The following BMPR1B variants were observed in gnomAD, a reference collection of about 807,000 sequenced individuals.
BMPR1B encodes the protein bone morphogenetic protein receptor type 1B.
A neutral mutation model predicts 59.1 loss-of-function variants in BMPR1B; 12 were observed. The ratio of observed to expected loss-of-function variants is 0.20; its 90% CI spans 0.13 to 0.33. BMPR1B has a LOEUF of 0.33. Among genes scored for constraint, BMPR1B ranks in the 10% least tolerant of loss-of-function variants. The pLI is 1.00. For synonymous variants in BMPR1B, 237 were observed against 207.3 expected, an observed-to-expected ratio of 1.14 and a Z score of -1.23; for missense variants, 550 against 610.9, an observed-to-expected ratio of 0.90 and a Z score of 1.05.
intron 1 of BMPR1B, among the ~76,000 whole-genome samples, chr4:94,772,790 G>T (rs771647500): frequency 2.6e-5 from 4 of 152,036 alleles, no homozygotes; most frequent in Non-Finnish European, 5.9e-5. Context: ...TGGATTTAAC[G>T]ATGTGACCTC....
intron 3 of BMPR1B, among the ~76,000 whole-genome samples, chr4:95,066,209 T>G: frequency 6.6e-6 from 1 of 152,348 alleles, no homozygotes. Flanking sequence ...CTATTACTTT[T>G]CTACTTGTTA....
At chr4:95,132,501 A>G (rs1202001109) in intron 10 of BMPR1B, among the ~76,000 whole-genome samples, 2 of 152,178 alleles carry the variant, frequency 1.3e-5, no homozygotes, top group Non-Finnish European at 2.9e-5. Flanking sequence ...AAGGATGGGA[A>G]ATTGAAGTTC....
chr4:95,136,859 C>A (rs919059115), intron 10 of BMPR1B, among the ~76,000 whole-genome samples: 18 of 152,044 alleles, frequency 1.2e-4, no homozygotes, highest in Admixed American at 1.2e-3. Context: ...TTCAAAACAC[C>A]AACTCCTGGA....
intron 3 of BMPR1B, among the ~76,000 whole-genome samples, chr4:95,020,548 C>T (rs541666423): frequency 1.4e-5 from 2 of 144,222 alleles, no homozygotes; most frequent in East Asian, 4.1e-4. Flanking sequence ...CACTGCGCTC[C>T]AGACTGGTGA....
At chr4:95,016,051 T>C (rs1188209058) in intron 3 of BMPR1B, among the ~76,000 whole-genome samples, 2 of 151,970 alleles carry the variant, frequency 1.3e-5, no homozygotes, top group South Asian at 2.1e-4. Flanking sequence ...GACTTAGATA[T>C]TGAGTAGATG....
chr4:94,767,725 A>T (rs533230358), intron 1 of BMPR1B, among the ~76,000 whole-genome samples: 1 of 152,190 alleles, frequency 6.6e-6, no homozygotes, highest in African/African-American at 2.4e-5. Context: ...TGTGGCATTT[A>T]TGTTTGATTA....
At chr4:94,951,618 G>A (rs892802895) in intron 2 of BMPR1B, among the ~76,000 whole-genome samples, 1 of 152,118 alleles carries the variant, frequency 6.6e-6, no homozygotes, top group African/African-American at 2.4e-5. Context: ...CGACTTGATC[G>A]TGGTGGATAA....
chr4:94,899,534 G>A (rs1386032290), intron 2 of BMPR1B, among the ~76,000 whole-genome samples: 1 of 150,604 alleles, frequency 6.6e-6, no homozygotes, highest in East Asian at 2.0e-4. Context: ...TTATATGGTT[G>A]AATATGAAGT....
chr4:94,764,323 T>C (rs1000588426), intron 1 of BMPR1B, among the ~76,000 whole-genome samples: 3 of 151,954 alleles, frequency 2.0e-5, no homozygotes, highest in Non-Finnish European at 4.4e-5. Flanking sequence ...TCCCTTTTTG[T>C]GAGATCAGTT....
chr4:95,020,490 A>G (rs567005648), intron 3 of BMPR1B, among the ~76,000 whole-genome samples: 9 of 151,954 alleles, frequency 5.9e-5, no homozygotes, highest in Non-Finnish European at 1.0e-4. Context: ...GAGGCAGGAG[A>G]ATTGCTTGAA....
chr4:94,881,537 C>T (rs1726973087), intron 2 of BMPR1B, among the ~76,000 whole-genome samples: 1 of 151,904 alleles, frequency 6.6e-6, no homozygotes, highest in Non-Finnish European at 1.5e-5. Context: ...GTGATTTCAG[C>T]TCACTGCAAC....
At chr4:94,836,534 T>C (rs370609813) in intron 1 of BMPR1B, among the ~76,000 whole-genome samples, 1 of 146,634 alleles carries the variant, frequency 6.8e-6, no homozygotes, top group Non-Finnish European at 1.5e-5. Flanking sequence ...TTTCATGTGT[T>C]TTTTGGCTGC....
At chr4:94,908,865 C>T (rs1728169465) in intron 2 of BMPR1B, among the ~76,000 whole-genome samples, 1 of 152,030 alleles carries the variant, frequency 6.6e-6, no homozygotes. Flanking sequence ...TACTCTGTGT[C>T]ACTGTCCTAG....
intron 3 of BMPR1B, among the ~76,000 whole-genome samples, chr4:95,030,184 C>A (rs1446776510): frequency 6.6e-6 from 1 of 151,988 alleles, no homozygotes; most frequent in Non-Finnish European, 1.5e-5. Context: ...GACATGAAGT[C>A]CTTGCCCATG....
At chr4:94,945,828 C>G (rs1284702458) in intron 2 of BMPR1B, among the ~76,000 whole-genome samples, 1 of 152,038 alleles carries the variant, frequency 6.6e-6, no homozygotes, top group Non-Finnish European at 1.5e-5. Context: ...TATTATGGAT[C>G]TACCTGCATA....
chr4:94,975,362 T>G (rs1363751457), intron 2 of BMPR1B, among the ~76,000 whole-genome samples: 1 of 111,192 alleles, frequency 9.0e-6, no homozygotes, highest in Non-Finnish European at 1.7e-5. Context: ...CTTTTGTTTT[T>G]GTTTTTTTTT....
chr4:94,817,290 TC>T (rs1343573000), intron 1 of BMPR1B, among the ~76,000 whole-genome samples: 2 of 152,184 alleles, frequency 1.3e-5, no homozygotes, highest in Non-Finnish European at 2.9e-5. Flanking sequence ...ACCCATAAAG[TC>T]CTTTGAGAAT....
chr4:94,944,287 T>TTA (rs1729624640), intron 2 of BMPR1B, among the ~76,000 whole-genome samples: 1 of 152,140 alleles, frequency 6.6e-6, no homozygotes, highest in African/African-American at 2.4e-5. Context: ...TCTTAAGTCA[T>TTA]TAAGAAATTC....
At chr4:94,945,106 C>G (rs554309081) in intron 2 of BMPR1B, among the ~76,000 whole-genome samples, 11 of 152,146 alleles carry the variant, frequency 7.2e-5, no homozygotes, top group African/African-American at 2.4e-4. Flanking sequence ...ACAGGGGCAA[C>G]GGCCATTTAG....
Sources: allele counts gnomAD v4.1 joint callset (sites outside exome capture counted in the v4.1 genomes callset), GRCh38; gene constraint gnomAD v4.1.1; transcripts MANE v1.5; gene names NCBI Gene and HGNC (gene_info 2026-07-23, HGNC 2026-07-21).